AKT1: variants seen among roughly 807,000 people sequenced by gnomAD.
The protein encoded by AKT1 is RAC-alpha serine/threonine-protein kinase.
A neutral mutation model predicts 63.1 loss-of-function variants in AKT1; 21 were observed. That is an observed-to-expected ratio of 0.33 (90% CI 0.24 to 0.48). The LOEUF is 0.48. AKT1 is among the 20% of genes least tolerant of loss of function. The pLI is 0.99. For missense variants in AKT1, 382 were observed against 666.0 expected (o/e 0.57, Z 4.69); for synonymous variants, 257 against 253.1 (o/e 1.02, Z -0.15).
chr14:104,776,659 C>T lies in AKT1; in HGVS notation c.287G>A (p.Arg96Gln), dbSNP rs897360247. 3.1e-6 allele frequency: 5 copies of T among 1,612,500 alleles called. No homozygotes were observed. The highest frequency in any genetic ancestry group is 4.2e-6 in the Non-Finnish European group (5 of 1,179,326). The change falls in exon 5 of 15, where the codon CGG becomes CAG. Residue 96 changes from arginine (R) to glutamine (Q), a missense_variant and splice_region_variant. Arg to Gln is a conservative substitution (Grantham distance 43, BLOSUM62 1). Around this residue, in one of 3 missense-constraint regions of AKT1, gnomAD observed 226 missense variants for 366.4 expected, o/e 0.62. Transcript: ENST00000649815. ...GGCCTGGCCGCCACAGCCCACGTAC[C>T]GCTCCTCAGGAGTCTCCACATGGAA... ...RTFHVETPEEREEWTTAIQTV... is the reference protein window; with the variant it reads ...RTFHVETPEEQEEWTTAIQTV...
At position 104,790,811 on chromosome 14, in the gene AKT1, C is replaced by T. The variant is rs143910775; in HGVS notation, c.46+1787G>A. Among the ~76,000 whole-genome samples, 541 of 152,292 alleles carry T rather than the reference C, an allele frequency of 3.6e-3. 7 individuals are homozygous for T. The highest frequency in any genetic ancestry group is 0.032 in the South Asian group (157 of 4,832). On this transcript the variant is annotated intron_variant, in intron 3 of 14. Transcript: ENST00000649815. ...CTGGCCGGACCCCAACTCAGGGCCG[C>T]CCACAAGCCATTCTCCACTCCACCA...
intron 4 of AKT1, chr14:104,777,182 T>C: frequency 4.6e-6 from 1 of 215,878 alleles, no homozygotes; most frequent in East Asian, 1.6e-4. Context: ...ATGTCCTGCT[T>C]TTTTCCCAAC....
rs1893707676 is a variant in AKT1, at chr14:104,793,029, C to T, written c.-80+98G>A. 8.1e-6 allele frequency: 3 copies of T among 372,496 alleles called. No homozygotes were observed. In the Admixed American group the frequency reaches 1.2e-4, roughly 15 times the overall value. The allele number at this position is 372,496 out of a possible 1,614,324, so 23.1% of individuals were successfully genotyped here. ...CCACCACCACCCGCAACAGCCAGGC[C>T]CTGAGAGCTGCTGCCTTGCTCACCT... On this transcript the variant is annotated intron_variant, in intron 2 of 14. Coordinates refer to ENST00000649815, the MANE Select transcript of AKT1 (RefSeq NM_001382430.1).
chr14:104,770,549 CAG>C, intron 14 of AKT1, 129 bp from the exon 15 acceptor site: 1 of 1,031,584 alleles, frequency 9.7e-7, no homozygotes, highest in Admixed American at 2.5e-5. Flanking sequence ...GAAACTGAGA[CAG>C]GGCCCCACAG....
At position 104,780,122 on chromosome 14, in the gene AKT1, T is replaced by A. The variant is rs532268608; in HGVS notation, c.141A>T (p.Gln47His). Residue 47 changes from glutamine to histidine, a missense_variant, in exon 4 of 15, where the codon CAA becomes CAT. Coordinates refer to ENST00000649815, the MANE Select transcript of AKT1 (RefSeq NM_001382430.1). ...GYKERPQDVD[Q>H]REAPLNNFSV... ...AGAAGTTGTTGAGGGGAGCCTCACGTTGGTCCACATCCTGCGGCCGCTCCT... is the reference window on the plus strand; with the variant it reads ...AGAAGTTGTTGAGGGGAGCCTCACGATGGTCCACATCCTGCGGCCGCTCCT... 6.2e-7 allele frequency: 1 copy of A among 1,613,534 alleles called. No homozygotes were observed.
intron 3 of AKT1, among the ~76,000 whole-genome samples, chr14:104,790,478 G>C (rs1408803868): frequency 6.6e-6 from 1 of 152,236 alleles, no homozygotes; most frequent in Non-Finnish European, 1.5e-5. Flanking sequence ...GGCCCTGCCA[G>C]GAGGGTGGCA....
intron 12 of AKT1, 138 bp from the exon 13 acceptor site, chr14:104,772,590 C>T (rs971907590): frequency 1.3e-5 from 11 of 858,070 alleles, no homozygotes; most frequent in Non-Finnish European, 2.0e-5. Flanking sequence ...GGTGCAGCGT[C>T]CCTGAGCAGC....
chr14:104,773,969 G>A lies in AKT1; in HGVS notation c.645C>T (p.Tyr215=), dbSNP rs772685079. The A allele has an allele frequency of 3.1e-6, 5 of 1,612,412 alleles. No homozygotes were observed. Residue 215 remains tyrosine (Y), a synonymous_variant, in exon 9 of 15, where the codon TAC becomes TAT. Coordinates refer to ENST00000649815, the MANE Select transcript of AKT1 (RefSeq NM_001382430.1). ...SRHPFLTALK[Y]SFQTHDRLCF... The stretch of plus-strand genomic sequence containing the variant: ...AGAGGCGGTCGTGGGTCTGGAAAGA[G>A]TACTTCAGGGCCTGCAAGGAAGGGG...
At chr14:104,783,019 G>C (rs1427803228) in intron 3 of AKT1, among the ~76,000 whole-genome samples, 2 of 152,168 alleles carry the variant, frequency 1.3e-5, no homozygotes, top group Non-Finnish European at 2.9e-5. Flanking sequence ...TCCAGGACTG[G>C]GGTGACACAG....
Position 104,770,386 on chromosome 14 carries a change from C to T in AKT1, c.1398G>A (p.Arg466=). ...AGTAGGAGAACTGGGGGAAGTGGGGCCTGCGCTCGCTGTCCACACACTCCA... is the reference window on the plus strand; with the variant it reads ...AGTAGGAGAACTGGGGGAAGTGGGGTCTGCGCTCGCTGTCCACACACTCCA... ...DSMECVDSER[R]PHFPQFSYSA... is the part of the protein sequence containing the mutation. Residue 466 remains arginine (R), a synonymous_variant, in exon 15 of 15, where the codon AGG becomes AGA. Transcript: ENST00000649815. 6.2e-7 allele frequency: 1 copy of T among 1,612,710 alleles called. No individual in the cohort carries two copies. Among genetic ancestry groups the T allele is most frequent in the Non-Finnish European group, 8.5e-7 (1 of 1,179,920 alleles).
chr14:104,788,182 C>T (rs1330333722), intron 3 of AKT1, among the ~76,000 whole-genome samples: 2 of 152,176 alleles, frequency 1.3e-5, no homozygotes, highest in African/African-American at 4.8e-5. Context: ...CCAGGGCCCG[C>T]GGGTCTCACA....
chr14:104,775,050 A>C (rs2140915987), intron 7 of AKT1, 26 bp downstream of exon 7: 1 of 1,609,054 alleles, frequency 6.2e-7, no homozygotes, highest in African/African-American at 1.4e-5. Context: ...CCTCATCTCC[A>C]CCCTGCCCCA....
intron 1 of AKT1, chr14:104,794,171 CGAG>C (rs1257797141): frequency 2.0e-5 from 3 of 152,432 alleles, no homozygotes; most frequent in Non-Finnish European, 1.5e-5. Context: ...AGGCCAGACT[CGAG>C]GAAGGCACCG....
chr14:104,786,124 A>C (rs994255424), intron 3 of AKT1, among the ~76,000 whole-genome samples: 1 of 151,784 alleles, frequency 6.6e-6, no homozygotes, highest in African/African-American at 2.4e-5. Context: ...GGTCTGCCCC[A>C]AACAAGCCCC....
intron 4 of AKT1, among the ~76,000 whole-genome samples, chr14:104,779,333 C>G (rs968513361): frequency 6.6e-6 from 1 of 152,238 alleles, no homozygotes; most frequent in Non-Finnish European, 1.5e-5. Context: ...AAGGCTCTGC[C>G]ATGGGGTCTG....
intron 4 of AKT1, among the ~76,000 whole-genome samples, chr14:104,779,742 ACCAGAGACCCCC>A (rs1892929538): frequency 8.3e-6 from 1 of 121,002 alleles, no homozygotes; most frequent in African/African-American, 3.5e-5. Flanking sequence ...CGGGACTCGG[ACCAGAGACCCCC>A]GCCCAGCCAG....
chr14:104,775,890 T>C (rs1892674652), intron 5 of AKT1, 91 bp from the exon 6 acceptor site: 1 of 1,494,796 alleles, frequency 6.7e-7, no homozygotes, highest in African/African-American at 1.4e-5. Flanking sequence ...ACAAGCGTGG[T>C]TCCACAGCTG....
chr14:104,771,143 A>T, intron 13 of AKT1: 1 of 403,734 alleles, frequency 2.5e-6, no homozygotes. Flanking sequence ...CCTCCCTGCT[A>T]CCAGGAGGTG....
At chr14:104,784,478 C>T (rs1185684592) in intron 3 of AKT1, among the ~76,000 whole-genome samples, 2 of 152,206 alleles carry the variant, frequency 1.3e-5, no homozygotes, top group African/African-American at 2.4e-5. Context: ...GCCCTGGTCC[C>T]TCTGGCATCC....
Sources: gnomAD v4.1 joint callset for allele counts (sites outside exome capture counted in the v4.1 genomes callset) on GRCh38, gnomAD v4.1.1 for gene constraint, gnomAD v4.1.1 regional missense constraint, MANE v1.5 for transcripts, NCBI Gene and HGNC (gene_info 2026-07-23, HGNC 2026-07-21) for gene names.